The following RBM48 variants were observed in gnomAD, a reference collection of about 807,000 sequenced individuals.
RBM48 encodes the protein RNA-binding protein 48.
Under a neutral mutation model 34.8 loss-of-function variants are expected in RBM48, and 32 were observed. The observed-to-expected ratio is 0.92, with a 90% confidence interval of 0.69 to 1.23. RBM48 has a LOEUF of 1.23. RBM48 is among the 50% of genes most tolerant of loss of function. The pLI, the probability that RBM48 is intolerant of heterozygous loss-of-function variation, is 0.00. For synonymous variants in RBM48, 151 were observed against 156.2 expected (o/e 0.97, Z 0.25); for missense variants, 441 against 447.2 (o/e 0.99, Z 0.12).
At position 92,538,090 on chromosome 7, in the gene RBM48, G is replaced by T. The variant is rs934154211; in HGVS notation, c.*1153G>T. The stretch of plus-strand genomic sequence containing the variant: ...GAATTTGAACATACCAGTTAATAAG[G>T]TTCAATTTCAGCTATGATGTACTTG... On this transcript the variant is annotated 3_prime_UTR_variant, in exon 5 of 5. Coordinates refer to ENST00000265732, the MANE Select transcript of RBM48 (RefSeq NM_032120.4). 6.6e-6 allele frequency: 1 copy of T among 152,168 alleles called. No individual in the cohort carries two copies. Among genetic ancestry groups the T allele is most frequent in the African/African-American group, 2.4e-5 (1 of 41,410 alleles). The allele number at this position is 152,168 out of a possible 1,614,324, so 9.4% of individuals were successfully genotyped here.
intron 4 of RBM48, chr7:92,536,599 T>G: frequency 9.1e-7 from 1 of 1,104,414 alleles, no homozygotes; most frequent in Middle Eastern, 3.9e-4. Flanking sequence ...AAGTAGAGCA[T>G]ATGTTCACTT....
At chr7:92,532,988 G>A (rs1793613374) in intron 3 of RBM48, among the ~76,000 whole-genome samples, 1 of 152,218 alleles carries the variant, frequency 6.6e-6, no homozygotes, top group African/African-American at 2.4e-5. Flanking sequence ...CCCATGCTAA[G>A]GAATTAAGGC....
chr7:92,532,646 A>G (rs1426056822), intron 3 of RBM48, 97 bp downstream of exon 3: 2 of 821,408 alleles, frequency 2.4e-6, no homozygotes, highest in Admixed American at 5.1e-5. Context: ...AGAGGCAAGT[A>G]AACCATCACA....
In RBM48 at chr7:92,537,792, ATT is replaced by A. The variant is rs1163786241; in HGVS notation, c.*856_*857del. Reference sequence around the variant, plus strand: ...CTTTTTTCTGTCAGTGGATTACATAATTGGAAATTTCAGTACATCTAGACTGT... The same window carrying A: ...CTTTTTTCTGTCAGTGGATTACATAAGGAAATTTCAGTACATCTAGACTGT... On this transcript the variant is annotated 3_prime_UTR_variant, in exon 5 of 5. Transcript: ENST00000265732. 2.0e-5 allele frequency: 3 copies of A among 152,184 alleles called. No individual in the cohort carries two copies. The highest frequency in any genetic ancestry group is 4.4e-5 in the Non-Finnish European group (3 of 68,026). 9.4% of individuals were successfully genotyped at this position (152,184 alleles called of 1,614,324 possible).
At chr7:92,530,619 T>A (rs1793550379) in intron 2 of RBM48, among the ~76,000 whole-genome samples, 1 of 151,912 alleles carries the variant, frequency 6.6e-6, no homozygotes, top group Non-Finnish European at 1.5e-5. Context: ...CTGGCCAACA[T>A]GGTGAAACCC....
chr7:92,535,143 T>G, intron 4 of RBM48, 173 bp downstream of exon 4: 1 of 1,438,806 alleles, frequency 7.0e-7, no homozygotes, highest in South Asian at 1.5e-5. Context: ...TTTATTTGCT[T>G]TAAACTGTTA....
rs200741756 is a variant in RBM48, at chr7:92,529,656, C to A, written c.292C>A (p.Gln98Lys). Residue 98 changes from glutamine to lysine, a missense_variant, in exon 2 of 5, where the codon CAA becomes AAA. Physicochemically the swap from Gln to Lys is moderately conservative, Grantham distance 53. Coordinates refer to ENST00000265732, the MANE Select transcript of RBM48 (RefSeq NM_032120.4). ...EVYLIKFMNL[Q>K]SARTAKRKMD... Reference sequence around the variant, plus strand: ...TTATCTTATTAAATTTATGAACTTACAAAGTGCAAGGTAATGTGCAAGTTA... The same window carrying A: ...TTATCTTATTAAATTTATGAACTTAAAAAGTGCAAGGTAATGTGCAAGTTA... 2.1e-5 allele frequency: 33 copies of A among 1,580,962 alleles called. No individual in the cohort carries two copies. In the East Asian group the frequency reaches 2.5e-4, roughly 12 times the overall value.
At position 92,534,856 on chromosome 7, in the gene RBM48, C is replaced by T. The variant is rs1300945907; in HGVS notation, c.903C>T (p.Asn301=). The T allele has an allele frequency of 1.9e-6, 3 of 1,614,054 alleles. No individual in the cohort carries two copies. In the Admixed American group the frequency reaches 5.0e-5, roughly 27 times the overall value. Residue 301 remains asparagine (N), a synonymous_variant, in exon 4 of 5, where the codon AAC becomes AAT. Coordinates refer to ENST00000265732, the MANE Select transcript of RBM48 (RefSeq NM_032120.4). ...AACTTGGAACTTTTCTTCAAACAAA[C>T]CCAACTGGTAATGAGATTATGATTG... ...DRKLGTFLQT[N]PTGNEIMIGP...
rs1206462171 is a variant in RBM48, at chr7:92,534,830, A to G, written c.877A>G (p.Lys293Glu). The G allele has an allele frequency of 2.5e-6, 4 of 1,614,094 alleles. No individual in the cohort carries two copies. In the African/African-American group the frequency reaches 5.3e-5, roughly 22 times the overall value. The change falls in exon 4 of 5, where the codon AAA becomes GAA. Residue 293 changes from lysine to glutamate, a missense_variant. Transcript: ENST00000265732. ...CAAAAGAAGAAGAGAAGATGATCGT[A>G]AACTTGGAACTTTTCTTCAAACAAA... ...ERKRRREDDRKLGTFLQTNPT... is the reference protein window; with the variant it reads ...ERKRRREDDRELGTFLQTNPT...
rs1343020398 is a variant in RBM48, at chr7:92,534,575, T to C, written c.622T>C (p.Ser208Pro). The stretch of plus-strand genomic sequence containing the variant: ...TGAATTGCCTTTATGTTATTTCTCC[T>C]CAAAATGTATGTGTTCATCCGGGGG... Reference protein sequence around the residue: ...SCELPLCYFSSKCMCSSGGPV... With the variant: ...SCELPLCYFSPKCMCSSGGPV... The change falls in exon 4 of 5, where the codon TCA becomes CCA. Residue 208 changes from serine (S) to proline (P), a missense_variant. By Grantham distance (74) the Ser-to-Pro change is moderately conservative. Transcript: ENST00000265732. 1.9e-6 allele frequency: 3 copies of C among 1,614,174 alleles called. No homozygotes were observed. Among genetic ancestry groups the C allele is most frequent in the Non-Finnish European group, 2.5e-6 (3 of 1,180,046 alleles).
rs1793808441 is a variant in RBM48, at chr7:92,539,492, A to G, written c.*2555A>G. Among the ~76,000 whole-genome samples, 1 of 152,228 alleles carries G rather than the reference A, an allele frequency of 6.6e-6. No individual in the cohort carries two copies. Among genetic ancestry groups the G allele is most frequent in the South Asian group, 2.1e-4 (1 of 4,828 alleles). ...CAAGGTGGGAGGATCACCTGAGGTCAGGAGTTCAAGGCCAGCCTGGCCAAC... is the reference window on the plus strand; with the variant it reads ...CAAGGTGGGAGGATCACCTGAGGTCGGGAGTTCAAGGCCAGCCTGGCCAAC... On this transcript the variant is annotated 3_prime_UTR_variant, in exon 5 of 5. Transcript: ENST00000265732.
intron 3 of RBM48, 144 bp from the exon 4 acceptor site, chr7:92,534,258 A>C: frequency 8.2e-7 from 1 of 1,214,418 alleles, no homozygotes. Flanking sequence ...ATGTGAATAT[A>C]TACCCTTCTC....
intron 4 of RBM48, chr7:92,535,778 T>A (rs1300103161): frequency 1.0e-6 from 1 of 972,482 alleles, no homozygotes; most frequent in African/African-American, 1.8e-5. Flanking sequence ...TAAAAATATC[T>A]GATTAAAGGT....
chr7:92,533,693 T>C (rs950536858), intron 3 of RBM48, among the ~76,000 whole-genome samples: 2 of 152,172 alleles, frequency 1.3e-5, no homozygotes, highest in South Asian at 2.1e-4. Flanking sequence ...AAAACTCTTA[T>C]TATGGAAATT....
intron 3 of RBM48, chr7:92,534,194 G>T (rs932004933): frequency 3.0e-6 from 2 of 662,608 alleles, no homozygotes; most frequent in Non-Finnish European, 5.0e-6. Context: ...GGAGAGCAAG[G>T]AAAGGGTGAC....
intron 3 of RBM48, 31 bp from the exon 4 acceptor site, chr7:92,534,371 T>G (rs750273554): frequency 1.9e-6 from 3 of 1,581,656 alleles, no homozygotes; most frequent in Non-Finnish European, 2.6e-6. Flanking sequence ...TCTGTTTCCC[T>G]TTCCCTCAAC....
At chr7:92,531,898 T>C (rs572725066) in intron 2 of RBM48, among the ~76,000 whole-genome samples, 1 of 152,384 alleles carries the variant, frequency 6.6e-6, no homozygotes, top group East Asian at 1.9e-4. Context: ...TGGCCAGTCA[T>C]AGATGTTTAG....
rs1793491368 is a variant in RBM48 at position 92,529,593 on chromosome 7, G to T, written c.229G>T (p.Ala77Ser). 1 of 1,610,876 alleles carries T rather than the reference G, an allele frequency of 6.2e-7. No individual in the cohort carries two copies. Residue 77 changes from alanine to serine, a missense_variant, in exon 2 of 5, where the codon GCT becomes TCT. Coordinates refer to ENST00000265732, the MANE Select transcript of RBM48 (RefSeq NM_032120.4). ...ALYGAIEQYN[A>S]LDEYPAEDFT... is the part of the protein sequence containing the mutation. ...ATATGGTGCAATTGAACAGTACAATGCTCTAGATGAATACCCAGCAGAAGA... is the reference window on the plus strand; with the variant it reads ...ATATGGTGCAATTGAACAGTACAATTCTCTAGATGAATACCCAGCAGAAGA...
rs1017426667 is a variant in RBM48, at chr7:92,538,446, G to A, written c.*1509G>A. ...TCCCTCCTCCTCTTCAGAGATGGGA[G>A]ACAGGAAGAGAAATGGCCTCTCTCC... On this transcript the variant is annotated 3_prime_UTR_variant, in exon 5 of 5. Coordinates refer to ENST00000265732, the MANE Select transcript of RBM48 (RefSeq NM_032120.4). Among the ~76,000 whole-genome samples the A allele has an allele frequency of 3.3e-5, 5 of 152,140 alleles. No homozygotes were observed. The highest frequency in any genetic ancestry group is 6.5e-5 in the Admixed American group (1 of 15,272).
Sources: allele counts gnomAD v4.1 joint callset (sites outside exome capture counted in the v4.1 genomes callset), GRCh38; gene constraint gnomAD v4.1.1; transcripts MANE v1.5; gene names NCBI Gene and HGNC (gene_info 2026-07-23, HGNC 2026-07-21).